The following POU6F2 variants were observed in gnomAD, a reference collection of about 807,000 sequenced individuals.
POU6F2 encodes POU class 6 homeobox 2.
POU6F2 carries 31 observed loss-of-function variants against 71.3 expected under a neutral mutation model. That is an observed-to-expected ratio of 0.43 (90% CI 0.33 to 0.59). POU6F2 has a LOEUF of 0.59. Ranked by LOEUF, POU6F2 falls within the 20% of genes least tolerant of loss-of-function variation. The probability of loss-of-function intolerance (pLI) is 0.04; values close to 1 mark genes in which losing one functional copy is unlikely to be tolerated. For missense variants in POU6F2, 783 were observed against 856.8 expected, an observed-to-expected ratio of 0.91 and a Z score of 1.07; for synonymous variants, 347 against 355.7, an observed-to-expected ratio of 0.98 and a Z score of 0.27.
intron 2 of POU6F2, among the ~76,000 whole-genome samples, chr7:39,169,509 G>C (rs1793174300): frequency 6.6e-6 from 1 of 152,182 alleles, no homozygotes; most frequent in South Asian, 2.1e-4. Flanking sequence ...ACTCATTGCA[G>C]TGAATAAAAT....
chr7:39,302,235 G>A (rs1203673530), intron 4 of POU6F2, among the ~76,000 whole-genome samples: 1 of 152,104 alleles, frequency 6.6e-6, no homozygotes, highest in Non-Finnish European at 1.5e-5. Context: ...GTAACCTAAG[G>A]ACTCTTAAAA....
intron 2 of POU6F2, among the ~76,000 whole-genome samples, chr7:39,169,861 A>T (rs982596399): frequency 5.3e-5 from 8 of 152,228 alleles, no homozygotes; most frequent in Non-Finnish European, 1.0e-4. Flanking sequence ...AATGTGATTT[A>T]TAATCACATT....
intron 4 of POU6F2, among the ~76,000 whole-genome samples, chr7:39,217,354 T>C (rs1794265267): frequency 6.6e-6 from 1 of 152,152 alleles, no homozygotes; most frequent in African/African-American, 2.4e-5. Flanking sequence ...GGGATGGAAA[T>C]ATGTGCTAAA....
rs189891019 is a variant in POU6F2, at chr7:39,118,463, A to C, written c.277+32432A>C. On this transcript the variant is annotated intron_variant, in intron 2 of 9. Transcript: ENST00000518318. ...TAAGATACTACAATTGTGCAGCAGG[A>C]AAAGGATGCCACAGAGAAGAGACAA... is the stretch of plus-strand genomic sequence containing the variant. Among the ~76,000 whole-genome samples the C allele has an allele frequency of 2.0e-5, 3 of 152,318 alleles. No homozygotes were observed. In the East Asian group the frequency reaches 5.8e-4, roughly 29 times the overall value.
At chr7:39,040,970 G>A (rs1790182866) in intron 1 of POU6F2, among the ~76,000 whole-genome samples, 1 of 151,882 alleles carries the variant, frequency 6.6e-6, no homozygotes, top group Non-Finnish European at 1.5e-5. Context: ...GTGGTCTGTA[G>A]AATTTTTCAA....
At chr7:39,236,462 C>G (rs1271479421) in intron 4 of POU6F2, among the ~76,000 whole-genome samples, 2 of 152,054 alleles carry the variant, frequency 1.3e-5, no homozygotes, top group Non-Finnish European at 2.9e-5. Flanking sequence ...AAGCATCAGC[C>G]CCAACCAATA....
intron 3 of POU6F2, among the ~76,000 whole-genome samples, chr7:39,205,630 T>C (rs555572035): frequency 1.9e-4 from 29 of 152,390 alleles, no homozygotes; most frequent in South Asian, 1.4e-3. Flanking sequence ...TAATTTTGTA[T>C]ACATTCCCGA....
rs1203968480 is a variant in POU6F2, at chr7:39,015,956, T to TAGA, written c.105+37898_105+37899insAGA. Among the ~76,000 whole-genome samples the TAGA allele has an allele frequency of 1.2e-3, 107 of 91,304 alleles. 1 individual carries two copies. The highest frequency in any genetic ancestry group is 3.2e-3 in the African/African-American group (70 of 21,552). The allele number at this position is 91,304 out of a possible 152,430, so 59.9% of individuals were successfully genotyped here. A position where few individuals can be genotyped will look rare whatever the true frequency, so the allele number is the denominator to read the frequency against. On this transcript the variant is annotated intron_variant, in intron 1 of 9. Transcript: ENST00000518318. ...ATAATATATAGATATATATTATATA[T>TAGA]TGTATATTGATATATATTATATATA...
intron 6 of POU6F2, among the ~76,000 whole-genome samples, chr7:39,409,863 C>A (rs1445543039): frequency 6.6e-6 from 1 of 152,228 alleles, no homozygotes; most frequent in Non-Finnish European, 1.5e-5. Context: ...GATAGGAAAT[C>A]TCCATATATT....
intron 1 of POU6F2, among the ~76,000 whole-genome samples, chr7:39,085,397 C>T (rs1163184231): frequency 6.6e-6 from 1 of 151,954 alleles, no homozygotes; most frequent in Non-Finnish European, 1.5e-5. Context: ...GGGGAGAAGG[C>T]TTCTTAAAAT....
At chr7:39,103,807 G>A (rs34017564) in intron 2 of POU6F2, among the ~76,000 whole-genome samples, 5,984 of 152,152 alleles carry the variant, frequency 0.039, 166 homozygotes, top group Middle Eastern at 0.078. Flanking sequence ...TGACCTCCAG[G>A]CTTCACTTAG....
intron 5 of POU6F2, among the ~76,000 whole-genome samples, chr7:39,343,391 G>A (rs1327056888): frequency 6.8e-6 from 1 of 146,926 alleles, no homozygotes; most frequent in Non-Finnish European, 1.5e-5. Context: ...ATCTTTTGGG[G>A]CAAAAAACAT....
chr7:39,172,320 C>G (rs988661984), intron 2 of POU6F2, among the ~76,000 whole-genome samples: 6 of 152,124 alleles, frequency 3.9e-5, no homozygotes, highest in African/African-American at 1.4e-4. Flanking sequence ...CCATTTCCTC[C>G]TATGAGTCAC....
At chr7:39,300,683 T>C (rs750292731) in intron 4 of POU6F2, among the ~76,000 whole-genome samples, 34 of 152,304 alleles carry the variant, frequency 2.2e-4, no homozygotes, top group South Asian at 8.3e-4. Flanking sequence ...GATGGCTGTC[T>C]TCTCCCTGAG....
At chr7:39,140,212 GT>G (rs1405145472) in intron 2 of POU6F2, among the ~76,000 whole-genome samples, 5 of 152,130 alleles carry the variant, frequency 3.3e-5, no homozygotes, top group South Asian at 2.1e-4. Flanking sequence ...CAGAATTAAA[GT>G]TTTTTTCAAT....
At chr7:39,362,874 G>A (rs1486682111) in intron 5 of POU6F2, among the ~76,000 whole-genome samples, 6 of 152,108 alleles carry the variant, frequency 3.9e-5, no homozygotes, top group East Asian at 1.9e-4. Context: ...CCTAAGACAG[G>A]AGGATGTTTG....
At chr7:38,991,729 G>A (rs566924264) in intron 1 of POU6F2, among the ~76,000 whole-genome samples, 4 of 152,138 alleles carry the variant, frequency 2.6e-5, no homozygotes, top group South Asian at 4.2e-4. Context: ...GTATTATTGA[G>A]GCCATTGCCA....
intron 2 of POU6F2, among the ~76,000 whole-genome samples, chr7:39,175,941 C>A (rs958426022): frequency 6.6e-6 from 1 of 152,196 alleles, no homozygotes; most frequent in South Asian, 2.1e-4. Context: ...GCTTCTCCTT[C>A]CATCTAGGAA....
At chr7:39,025,916 A>G (rs59514011) in intron 1 of POU6F2, among the ~76,000 whole-genome samples, 61,827 of 151,866 alleles carry the variant, frequency 0.41, 12,956 homozygotes, top group South Asian at 0.5. Flanking sequence ...AAAAACAAAC[A>G]ACCCCATCAA....
Sources: allele counts gnomAD v4.1 joint callset (sites outside exome capture counted in the v4.1 genomes callset), GRCh38; gene constraint gnomAD v4.1.1; transcripts MANE v1.5; gene names NCBI Gene and HGNC (gene_info 2026-07-23, HGNC 2026-07-21).